TSEN2: variants seen among roughly 807,000 people sequenced by gnomAD.
TSEN2 encodes the protein tRNA splicing endonuclease subunit 2, also known as tRNA-splicing endonuclease subunit Sen2.
In TSEN2, 54 loss-of-function variants were observed where a neutral mutation model predicts 59.2. The ratio of observed to expected loss-of-function variants is 0.91; its 90% CI spans 0.73 to 1.14. The LOEUF is 1.14. TSEN2 is among the 50% of genes most tolerant of loss of function. The pLI is 0.00. For missense variants in TSEN2, 636 were observed against 576.2 expected (o/e 1.10, Z -1.06); for synonymous variants, 195 against 198.2 (o/e 0.98, Z 0.14).
chr3:12,526,046 T>A (rs944345615), intron 8 of TSEN2, among the ~76,000 whole-genome samples: 1 of 152,084 alleles, frequency 6.6e-6, no homozygotes, highest in African/African-American at 2.4e-5. Flanking sequence ...TAATTTATTA[T>A]TGAAGAAAGA....
chr3:12,481,367 A>G (rs1217066579), upstream of TSEN2, among the ~76,000 whole-genome samples: 1 of 152,210 alleles, frequency 6.6e-6, no homozygotes, highest in Non-Finnish European at 1.5e-5. Flanking sequence ...TGCACAGAAT[A>G]CCAAAAAATT....
chr3:12,487,239 G>A (rs901120908), intron 1 of TSEN2, among the ~76,000 whole-genome samples: 2 of 152,146 alleles, frequency 1.3e-5, no homozygotes, highest in Admixed American at 1.3e-4. Flanking sequence ...ATTCCTGAGG[G>A]GTGTGCAGCC....
At chr3:12,530,535 C>A in intron 10 of TSEN2, 1 of 985,456 alleles carries the variant, frequency 1.0e-6, no homozygotes, top group Non-Finnish European at 1.2e-6. Context: ...TCTCATTACT[C>A]AGTGATTTGC....
At chr3:12,488,026 C>A (rs1273225188) in intron 1 of TSEN2, among the ~76,000 whole-genome samples, 2 of 152,140 alleles carry the variant, frequency 1.3e-5, no homozygotes, top group Non-Finnish European at 2.9e-5. Flanking sequence ...TCCTCTAACT[C>A]CTCTTTAGTC....
At chr3:12,526,845 T>C (rs2057124017) in intron 8 of TSEN2, among the ~76,000 whole-genome samples, 2 of 152,200 alleles carry the variant, frequency 1.3e-5, no homozygotes, top group Non-Finnish European at 2.9e-5. Flanking sequence ...TTACTTGCCT[T>C]GTGGGTGTGA....
intron 4 of TSEN2, among the ~76,000 whole-genome samples, chr3:12,499,783 G>A (rs1370226413): frequency 2.0e-5 from 3 of 152,138 alleles, no homozygotes; most frequent in Non-Finnish European, 4.4e-5. Flanking sequence ...CCATGAGGTG[G>A]GTCCTGTTCT....
intron 10 of TSEN2, chr3:12,538,718 G>A (rs2057738562): frequency 6.4e-6 from 1 of 155,918 alleles, no homozygotes; most frequent in African/African-American, 2.4e-5. Context: ...GGAATGTTTT[G>A]CATGTTGGCC....
chr3:12,526,245 G>A (rs922721667), intron 8 of TSEN2, among the ~76,000 whole-genome samples: 2 of 152,240 alleles, frequency 1.3e-5, no homozygotes, highest in African/African-American at 2.4e-5. Flanking sequence ...GTAGCACACA[G>A]TACTGTCCTA....
intron 1 of TSEN2, among the ~76,000 whole-genome samples, chr3:12,485,950 AATAT>A (rs889468006): frequency 6.7e-6 from 1 of 150,242 alleles, no homozygotes; most frequent in African/African-American, 2.5e-5. Context: ...GAAATTTAAA[AATAT>A]ATATATATAA....
chr3:12,518,557 C>G lies in TSEN2; in HGVS notation c.961-502C>G, dbSNP rs1268795202. 2.6e-5 allele frequency among the ~76,000 whole-genome samples: 4 copies of G among 152,180 alleles called. No individual in the cohort carries two copies. The East Asian group carries it at 7.7e-4, about 29-fold the overall frequency. On this transcript the variant is annotated intron_variant, in intron 7 of 11. Coordinates refer to ENST00000284995, the MANE Select transcript of TSEN2 (RefSeq NM_025265.4). Reference sequence around the variant, plus strand: ...TGTGCAATAGAAGGACAGTGAGAGCCTCAGATGGGAGCCATGTGTATAATT... The same window carrying G: ...TGTGCAATAGAAGGACAGTGAGAGCGTCAGATGGGAGCCATGTGTATAATT...
intron 4 of TSEN2, among the ~76,000 whole-genome samples, chr3:12,502,762 G>A (rs552119019): frequency 2.0e-5 from 3 of 146,466 alleles, no homozygotes; most frequent in Admixed American, 1.4e-4. Flanking sequence ...AGTAACATAT[G>A]CTTGTTGCAG....
chr3:12,499,128 C>G (rs555446918), intron 4 of TSEN2, among the ~76,000 whole-genome samples: 1 of 152,266 alleles, frequency 6.6e-6, no homozygotes, highest in South Asian at 2.1e-4. Flanking sequence ...TCAAATTGGC[C>G]TTTTTCCAAT....
rs147443206 is a variant in TSEN2 at position 12,529,812 on chromosome 3, G to T, written c.1187G>T (p.Arg396Leu). ...GATGACCATTTTGAAGGCTCTCTCC[G>T]CAGGCCTCTCAGTTGGAAGTCCCTG... ...LVDDHFEGSL[R>L]RPLSWKSLAA... The change falls in exon 10 of 12, where the codon CGC becomes CTC. Residue 396 changes from arginine (R) to leucine (L), a missense_variant. Arg to Leu is a moderately radical substitution (Grantham distance 102). Coordinates refer to ENST00000284995, the MANE Select transcript of TSEN2 (RefSeq NM_025265.4). 5.0e-6 allele frequency: 8 copies of T among 1,613,898 alleles called. No homozygotes were observed. The African/African-American group carries it at 6.7e-5, about 13-fold the overall frequency.
At chr3:12,481,258 C>T (rs2052190307), upstream of TSEN2, among the ~76,000 whole-genome samples, 1 of 152,222 alleles carries the variant, frequency 6.6e-6, no homozygotes, top group Non-Finnish European at 1.5e-5. Context: ...ATCCTCCCTA[C>T]TCTTGGATTC....
At chr3:12,504,953 A>G (rs1039704056) in intron 5 of TSEN2, among the ~76,000 whole-genome samples, 1 of 152,182 alleles carries the variant, frequency 6.6e-6, no homozygotes, top group Non-Finnish European at 1.5e-5. Context: ...GTGAGCTATG[A>G]TCACACCACT....
chr3:12,510,419 G>A (rs1056291491), intron 6 of TSEN2, among the ~76,000 whole-genome samples: 5 of 152,140 alleles, frequency 3.3e-5, no homozygotes, highest in South Asian at 2.1e-4. Flanking sequence ...TGTATTGTTC[G>A]TATATACTTA....
intron 6 of TSEN2, among the ~76,000 whole-genome samples, chr3:12,506,552 G>A (rs904267188): frequency 5.4e-5 from 8 of 149,452 alleles, no homozygotes; most frequent in African/African-American, 1.2e-4. Flanking sequence ...CCGAGGTCAC[G>A]CCACTGCACA....
chr3:12,496,591 T>A (rs368823075), intron 4 of TSEN2, 37 bp downstream of exon 4: 17 of 1,610,832 alleles, frequency 1.1e-5, no homozygotes, highest in Non-Finnish European at 1.4e-5. Flanking sequence ...GTCAAAATGA[T>A]GGTTTAAGTC....
At chr3:12,534,903 G>A (rs561343556), downstream of TSEN2, among the ~76,000 whole-genome samples, 3 of 151,996 alleles carry the variant, frequency 2.0e-5, no homozygotes, top group South Asian at 6.2e-4. Flanking sequence ...CCTGGGAGGT[G>A]GAGGTTGCAG....
Sources: allele counts gnomAD v4.1 joint callset (sites outside exome capture counted in the v4.1 genomes callset), GRCh38; gene constraint gnomAD v4.1.1; transcripts MANE v1.5; gene names NCBI Gene and HGNC (gene_info 2026-07-23, HGNC 2026-07-21).